The following HERC1 variants were observed in gnomAD, a reference collection of about 807,000 sequenced individuals.
HERC1 encodes HECT and RLD domain containing E3 ubiquitin protein ligase family member 1, also known as probable E3 ubiquitin-protein ligase HERC1.
In HERC1, 160 loss-of-function variants were observed where a neutral mutation model predicts 554.3. The observed-to-expected ratio is 0.29, with a 90% CI of 0.25 to 0.33. HERC1 has a LOEUF of 0.33. Among genes scored for constraint, HERC1 ranks in the 10% least tolerant of loss-of-function variants. The pLI, the probability that HERC1 is intolerant of heterozygous loss-of-function variation, is 1.00. For synonymous variants in HERC1, 2,175 were observed against 2,131.7 expected (o/e 1.02, Z -0.56); for missense variants, 4,919 against 5,918.5 (o/e 0.83, Z 5.54).
rs1277011516 is a variant in HERC1, at chr15:63,774,848, C to A, written c.776G>T (p.Gly259Val). 6.2e-7 allele frequency: 1 copy of A among 1,613,882 alleles called. No individual in the cohort carries two copies. The highest frequency in any genetic ancestry group is 8.5e-7 in the Non-Finnish European group (1 of 1,179,900). Residue 259 changes from glycine to valine, a missense_variant, in exon 2 of 78, where the codon GGC becomes GTC. Coordinates refer to ENST00000443617, the MANE Select transcript of HERC1 (RefSeq NM_003922.4). ...ELLLGLAAQR[G>V]SLRYLLEWIE... ...CCATTCAAGAAGATATCGCAATGAG[C>A]CTCGTTGAGCTGCCAAACCAAGCAG...
Position 63,674,649 on chromosome 15 carries a change from G to T in HERC1, c.7539C>A (p.Leu2513=), listed in dbSNP as rs369950378. 6.2e-7 allele frequency: 1 copy of T among 1,613,732 alleles called. No individual in the cohort carries two copies. The highest frequency in any genetic ancestry group is 8.5e-7 in the Non-Finnish European group (1 of 1,179,780). Residue 2513 remains leucine, a synonymous_variant, in exon 38 of 78, where the codon CTC becomes CTA. Coordinates refer to ENST00000443617, the MANE Select transcript of HERC1 (RefSeq NM_003922.4). ...IRAVQLSYLY[L]GAMKSLSALL... The stretch of plus-strand genomic sequence containing the variant: ...GGGCACTAAGTGACTTCATAGCACC[G>T]AGGTAAAGATAGGACAGCTGGACTG...
At position 63,662,074 on chromosome 15, in the gene HERC1, G is replaced by A; in HGVS notation, c.8902-53C>T. The stretch of plus-strand genomic sequence containing the variant: ...ATTAGTCAATTTAACATAAAACCAA[G>A]AAGTACCAAGTAGATTATTTATATT... On this transcript the variant is annotated intron_variant, in intron 44 of 77. Transcript: ENST00000443617. 4 of 1,530,778 alleles carry A rather than the reference G, an allele frequency of 2.6e-6. No individual in the cohort carries two copies. The South Asian group carries it at 4.7e-5, about 18-fold the overall frequency. The allele number at this position is 1,530,778 out of a possible 1,614,324, so 94.8% of individuals were successfully genotyped here.
chr15:63,615,884 C>G lies in HERC1; in HGVS notation c.13978G>C (p.Asp4660His). 1 of 1,601,198 alleles carries G rather than the reference C, an allele frequency of 6.2e-7. No individual in the cohort carries two copies. Among genetic ancestry groups the G allele is most frequent in the Non-Finnish European group, 8.5e-7 (1 of 1,175,114 alleles). Reference protein sequence around the residue: ...PLDSFVGQSADGKMVPIIPGG... With the variant: ...PLDSFVGQSAHGKMVPIIPGG... ...GGGATTATAGGAACCATTTTGCCAT[C>G]AGCACTCTGGCCAACAAAAGAATCA... Residue 4660 changes from aspartate (D) to histidine (H), a missense_variant, in exon 76 of 78, where the codon GAT becomes CAT. This residue lies in a region of HERC1 where 284 missense variants were observed against 294.1 expected (regional missense o/e 0.97). Transcript: ENST00000443617.
intron 37 of HERC1, among the ~76,000 whole-genome samples, chr15:63,676,582 C>A (rs1027685337): frequency 2.6e-5 from 4 of 151,928 alleles, no homozygotes; most frequent in African/African-American, 4.8e-5. Context: ...CATGGTGAAA[C>A]CCTGTCTCTA....
rs1043305407 is a variant in HERC1, at chr15:63,775,840, C to T, written c.-26-191G>A. ...ATCACTTGAGGCCAGGAGTTCAAGA[C>T]GAGCCTGGCCAACATTATGAAACCC... On this transcript the variant is annotated intron_variant, in intron 1 of 77. Coordinates refer to ENST00000443617, the MANE Select transcript of HERC1 (RefSeq NM_003922.4). The surrounding 1 kb of genome is among the most constrained non-coding windows in gnomAD (Gnocchi z 4.0). 1.3e-5 allele frequency among the ~76,000 whole-genome samples: 2 copies of T among 152,052 alleles called. No individual in the cohort carries two copies. The highest frequency in any genetic ancestry group is 2.4e-5 in the African/African-American group (1 of 41,406).
intron 57 of HERC1, 149 bp from the exon 58 acceptor site, chr15:63,643,699 T>A (rs1046035728): frequency 1.2e-4 from 65 of 523,358 alleles, no homozygotes; most frequent in Non-Finnish European, 1.8e-4. Flanking sequence ...TAAGCTTGAC[T>A]GAATCAGTAA....
intron 1 of HERC1, among the ~76,000 whole-genome samples, chr15:63,822,152 C>A (rs2077724116): frequency 6.6e-6 from 1 of 152,172 alleles, no homozygotes; most frequent in African/African-American, 2.4e-5. Context: ...GGGAGTCTGC[C>A]TGGCCCGGTC....
At chr15:63,739,712 G>A (rs1229570897) in intron 12 of HERC1, among the ~76,000 whole-genome samples, 3 of 151,894 alleles carry the variant, frequency 2.0e-5, no homozygotes, top group South Asian at 2.1e-4. Context: ...GGTGGTGTGC[G>A]CCTGCAGTCC....
At position 63,732,959 on chromosome 15, in the gene HERC1, T is replaced by C. The variant is rs763038691; in HGVS notation, c.2833A>G (p.Met945Val). ...HPDTHLAEIL[M>V]KTLLRNLGFY... is the part of the protein sequence containing the mutation. Reference sequence around the variant, plus strand: ...CCTAAATTTCTTAAGAGGGTCTTCATCAAAATTTCAGCCAGGTGGGTATCT... The same window carrying C: ...CCTAAATTTCTTAAGAGGGTCTTCACCAAAATTTCAGCCAGGTGGGTATCT... The change falls in exon 14 of 78, where the codon ATG becomes GTG. Residue 945 changes from methionine (M) to valine (V), a missense_variant. Physicochemically the swap from Met to Val is conservative, Grantham distance 21. Coordinates refer to ENST00000443617, the MANE Select transcript of HERC1 (RefSeq NM_003922.4). 1.2e-6 allele frequency: 2 copies of C among 1,613,848 alleles called. No homozygotes were observed. The highest frequency in any genetic ancestry group is 8.5e-7 in the Non-Finnish European group (1 of 1,179,744).
chr15:63,675,206 G>T, intron 37 of HERC1, 89 bp from the exon 38 acceptor site: 3 of 1,076,734 alleles, frequency 2.8e-6, no homozygotes, highest in Non-Finnish European at 4.0e-6. Context: ...AAAATAAGGT[G>T]CATCATGTAC....
intron 1 of HERC1, among the ~76,000 whole-genome samples, chr15:63,795,241 T>C (rs988012258): frequency 1.3e-5 from 2 of 152,124 alleles, no homozygotes; most frequent in Non-Finnish European, 2.9e-5. Flanking sequence ...ATTGTCTTAG[T>C]TACTAAAGCT....
chr15:63,723,407 C>T (rs895777691), intron 18 of HERC1, 52 bp from the exon 19 acceptor site: 62 of 1,227,920 alleles, frequency 5.0e-5, no homozygotes, highest in Non-Finnish European at 6.8e-5. Context: ...TTTGGTGCTA[C>T]AGATAAAATC....
intron 1 of HERC1, among the ~76,000 whole-genome samples, chr15:63,806,724 T>C (rs552986298): frequency 2.0e-5 from 3 of 152,350 alleles, no homozygotes; most frequent in South Asian, 2.1e-4. Context: ...AGATAATAGA[T>C]TGCATTCTGC....
At chr15:63,779,350 G>T (rs2076211820) in intron 1 of HERC1, among the ~76,000 whole-genome samples, 1 of 152,038 alleles carries the variant, frequency 6.6e-6, no homozygotes, top group South Asian at 2.1e-4. Flanking sequence ...AAATCCTAAA[G>T]ACCTCCAAGC....
At chr15:63,733,662 T>C (rs1363689094) in intron 13 of HERC1, among the ~76,000 whole-genome samples, 2 of 151,586 alleles carry the variant, frequency 1.3e-5, no homozygotes, top group African/African-American at 2.4e-5. Context: ...AAGACCAGCC[T>C]GGGCAACATA....
chr15:63,677,926 C>A lies in HERC1; in HGVS notation c.6989G>T (p.Arg2330Leu). 6.2e-7 allele frequency: 1 copy of A among 1,614,004 alleles called. No homozygotes were observed. ...GGRCVHKQTG[R>L]HATLLGVVKE... ...GACCACTCCCAGCAGCGTGGCATGG[C>A]GCCCAGTTTGCTTGTGAACACACCG... The change falls in exon 37 of 78, where the codon CGC becomes CTC. Residue 2330 changes from arginine to leucine, a missense_variant. Transcript: ENST00000443617. The surrounding 1 kb of genome is among the most constrained non-coding windows in gnomAD (Gnocchi z 4.4).
intron 63 of HERC1, among the ~76,000 whole-genome samples, 180 bp downstream of exon 63, chr15:63,638,228 ACTT>A (rs2152830151): frequency 6.6e-6 from 1 of 152,326 alleles, no homozygotes; most frequent in Admixed American, 6.5e-5. Flanking sequence ...AAATTTGTTA[ACTT>A]CTTAAGTCTG....
intron 12 of HERC1, among the ~76,000 whole-genome samples, chr15:63,735,284 A>G (rs1453521234): frequency 6.6e-6 from 1 of 151,592 alleles, no homozygotes; most frequent in Non-Finnish European, 1.5e-5. Flanking sequence ...AGGGCAATTA[A>G]CATGGCCTAT....
At chr15:63,653,768 T>C (rs1487401100) in intron 51 of HERC1, among the ~76,000 whole-genome samples, 1 of 152,244 alleles carries the variant, frequency 6.6e-6, no homozygotes. Context: ...GGATCATTAT[T>C]TTTTACCCCA....
Sources: allele counts gnomAD v4.1 joint callset (sites outside exome capture counted in the v4.1 genomes callset), GRCh38; gene constraint gnomAD v4.1.1; regional missense constraint gnomAD v4.1.1; non-coding constraint Gnocchi (gnomAD v3.1); transcripts MANE v1.5; gene names NCBI Gene and HGNC (gene_info 2026-07-23, HGNC 2026-07-21).